Variants in NUP205 observed in about 807,000 individuals in gnomAD.
NUP205 encodes the protein nucleoporin 205.
A neutral mutation model predicts 253.8 loss-of-function variants in NUP205; 76 were observed. The ratio of observed to expected loss-of-function variants is 0.30; its 90% CI spans 0.25 to 0.36. The LOEUF (loss-of-function observed/expected upper bound fraction) is 0.36. NUP205 is among the 10% of genes least tolerant of loss of function. The pLI is 1.00. For synonymous variants in NUP205, 832 were observed against 850.1 expected (o/e 0.98, Z 0.37); for missense variants, 2,162 against 2,425.5 (o/e 0.89, Z 2.28).
chr7:135,648,194 C>T (rs750056294), intron 42 of NUP205, among the ~76,000 whole-genome samples: 2 of 151,906 alleles, frequency 1.3e-5, no homozygotes, highest in Non-Finnish European at 2.9e-5. Flanking sequence ...GAAAAGAAAG[C>T]AGGAAAAACA....
intron 11 of NUP205, 121 bp downstream of exon 11, chr7:135,591,721 A>G (rs1563119424): frequency 1.2e-6 from 1 of 822,908 alleles, no homozygotes; most frequent in Non-Finnish European, 1.9e-6. Context: ...AATTATTTTC[A>G]TAACAATAGG....
chr7:135,637,646 A>T (rs1794833672), intron 36 of NUP205, among the ~76,000 whole-genome samples: 1 of 152,166 alleles, frequency 6.6e-6, no homozygotes, highest in Non-Finnish European at 1.5e-5. Context: ...ATTAATACCT[A>T]CTTTGATATA....
At chr7:135,611,044 C>T (rs187813764) in intron 22 of NUP205, among the ~76,000 whole-genome samples, 165 of 147,308 alleles carry the variant, frequency 1.1e-3, no homozygotes, top group Admixed American at 2.5e-3. Flanking sequence ...CTTGCTCTGT[C>T]GCCTTGCCTG....
chr7:135,632,522 A>AT (rs1436181143), intron 35 of NUP205, among the ~76,000 whole-genome samples: 4 of 150,180 alleles, frequency 2.7e-5, no homozygotes, highest in South Asian at 2.1e-4. Flanking sequence ...ATCCCCAATA[A>AT]TTTTTTTTGT....
At chr7:135,616,971 C>T (rs533905828) in intron 25 of NUP205, 119 bp from the exon 26 acceptor site, 2 of 734,542 alleles carry the variant, frequency 2.7e-6, no homozygotes, top group Admixed American at 6.6e-5. Context: ...TTTTCAGTTT[C>T]TTGACTATTT....
chr7:135,558,893 G>A (rs566316885), intron 1 of NUP205, among the ~76,000 whole-genome samples: 7 of 152,246 alleles, frequency 4.6e-5, no homozygotes, highest in African/African-American at 9.6e-5. Context: ...CTTTTTTAAA[G>A]TATTGGTTCT....
At chr7:135,578,660 C>T (rs2129489882) in intron 6 of NUP205, 91 bp from the exon 7 acceptor site, 1 of 887,912 alleles carries the variant, frequency 1.1e-6, no homozygotes, top group Non-Finnish European at 1.7e-6. Flanking sequence ...TGAGAATGCT[C>T]AGATTTTCTG....
intron 1 of NUP205, among the ~76,000 whole-genome samples, chr7:135,570,780 AATTATATTTATAT>A (rs1470815848): frequency 1.5e-4 from 7 of 47,282 alleles, no homozygotes; most frequent in African/African-American, 4.3e-4. Flanking sequence ...AATATATATT[AATTATATTTATAT>A]ATTATATTAA....
At position 135,648,391 on chromosome 7, in the gene NUP205, G is replaced by T; in HGVS notation, c.5887-13G>T. On this transcript the variant is annotated splice_polypyrimidine_tract_variant and intron_variant, in intron 42 of 42. Coordinates refer to ENST00000285968, the MANE Select transcript of NUP205 (RefSeq NM_015135.3). ...CAACAATTTTAACAAAATGTCTTTT[G>T]TGTCACCGCTAGCTTCAGGCTGATG... is the stretch of plus-strand genomic sequence containing the variant. 1 of 1,541,200 alleles carries T rather than the reference G, an allele frequency of 6.5e-7. No homozygotes were observed.
intron 36 of NUP205, 99 bp downstream of exon 36, chr7:135,635,756 A>G (rs148504755): frequency 1.6e-6 from 1 of 634,472 alleles, no homozygotes; most frequent in African/African-American, 1.8e-5. Flanking sequence ...ACCCCTTTCA[A>G]CTGTTTTGGT....
chr7:135,576,421 T>C lies in NUP205; in HGVS notation c.488+7T>C. On this transcript the variant is annotated splice_region_variant and intron_variant, in intron 4 of 42. Coordinates refer to ENST00000285968, the MANE Select transcript of NUP205 (RefSeq NM_015135.3). ...CATGGACCCTAGAACTCAGGTCTTT[T>C]TACTTCTTGGGATTTCAGGGGTTAA... 1 of 1,603,356 alleles carries C rather than the reference T, an allele frequency of 6.2e-7. No homozygotes were observed. Among genetic ancestry groups the C allele is most frequent in the Non-Finnish European group, 8.5e-7 (1 of 1,176,242 alleles).
chr7:135,590,541 C>CTTT (rs59222729), intron 10 of NUP205, among the ~76,000 whole-genome samples: 4,887 of 144,578 alleles, frequency 0.034, 112 homozygotes, highest in Middle Eastern at 0.11. Flanking sequence ...ATCATAAAAC[C>CTTT]TTTTTTTTTT....
Position 135,637,383 on chromosome 7 carries a change from G to A in NUP205, c.5137-548G>A, listed in dbSNP as rs1206945785. Among the ~76,000 whole-genome samples the A allele has an allele frequency of 1.1e-3, 163 of 152,272 alleles. 3 individuals are homozygous for A. The highest frequency in any genetic ancestry group is 3.9e-3 in the South Asian group (19 of 4,826). ...TTGTCCTTTCTCTTTGAGAACCATG[G>A]GAAATACTGTATTCTCAGGTGAGAA... On this transcript the variant is annotated intron_variant, in intron 36 of 42. Coordinates refer to ENST00000285968, the MANE Select transcript of NUP205 (RefSeq NM_015135.3).
Position 135,643,253 on chromosome 7 carries a change from G to T in NUP205, c.5454G>T (p.Leu1818=). ...CTGGTTTAGGCATTATCATCTACCT[G>T]CTGAAACAGAGTGCTAATGATTTCT... The part of the protein sequence containing the change: ...RLPGLGIIIY[L]LKQSANDFFS... Residue 1818 remains leucine, a synonymous_variant, in exon 39 of 43, where the codon CTG becomes CTT. Transcript: ENST00000285968. The T allele has an allele frequency of 6.2e-7, 1 of 1,614,070 alleles. No homozygotes were observed. The highest frequency in any genetic ancestry group is 8.5e-7 in the Non-Finnish European group (1 of 1,179,982).
chr7:135,563,439 T>C (rs559596565), intron 1 of NUP205, among the ~76,000 whole-genome samples: 26 of 152,188 alleles, frequency 1.7e-4, no homozygotes, highest in African/African-American at 3.9e-4. Flanking sequence ...TGGCCCGCCT[T>C]GGCCTCTCAA....
chr7:135,574,838 C>T (rs1280616361), intron 3 of NUP205, among the ~76,000 whole-genome samples: 1 of 152,002 alleles, frequency 6.6e-6, no homozygotes, highest in Non-Finnish European at 1.5e-5. Context: ...AATGGAGGAG[C>T]CATTTGAAGA....
intron 1 of NUP205, among the ~76,000 whole-genome samples, chr7:135,566,738 CGTTTT>C (rs1464635645): frequency 6.6e-6 from 1 of 151,538 alleles, no homozygotes; most frequent in Non-Finnish European, 1.5e-5. Context: ...TTTGTTTTTT[CGTTTT>C]GTTTTGTTTT....
chr7:135,613,990 A>T (rs1794298291), intron 22 of NUP205, among the ~76,000 whole-genome samples, 169 bp from the exon 23 acceptor site: 2 of 152,106 alleles, frequency 1.3e-5, no homozygotes, highest in South Asian at 2.1e-4. Context: ...GTTGCCAAGG[A>T]CTGTTCATAA....
chr7:135,566,519 C>G (rs1805764296), intron 1 of NUP205, among the ~76,000 whole-genome samples: 1 of 152,112 alleles, frequency 6.6e-6, no homozygotes, highest in African/African-American at 2.4e-5. Flanking sequence ...AAGTGTGGGA[C>G]TAAAGCAGGA....
Sources: allele counts gnomAD v4.1 joint callset (sites outside exome capture counted in the v4.1 genomes callset), GRCh38; gene constraint gnomAD v4.1.1; transcripts MANE v1.5; gene names NCBI Gene and HGNC (gene_info 2026-07-23, HGNC 2026-07-21).